The following RBFOX1 variants were observed in gnomAD, a reference collection of about 807,000 sequenced individuals.
RBFOX1 encodes RNA binding fox-1 homolog 1.
RBFOX1 carries 8 observed loss-of-function variants against 57.7 expected under a neutral mutation model. The ratio of observed to expected loss-of-function variants is 0.14; its 90% confidence interval spans 0.08 to 0.25. The LOEUF is 0.25. RBFOX1 is among the 10% of genes least tolerant of loss of function. The pLI is 1.00. For missense variants in RBFOX1, 611 were observed against 548.5 expected, an observed-to-expected ratio of 1.11 and a Z score of -1.14; for synonymous variants, 326 against 222.4, an observed-to-expected ratio of 1.47 and a Z score of -4.15.
At chr16:5,778,054 G>A (rs1005468660) in intron 3 of RBFOX1, among the ~76,000 whole-genome samples, 2 of 152,190 alleles carry the variant, frequency 1.3e-5, no homozygotes, top group Non-Finnish European at 2.9e-5. Context: ...TGGTGAGCTG[G>A]AACCAGGCAC....
chr16:7,435,524 G>T (rs1310348147), intron 4 of RBFOX1, among the ~76,000 whole-genome samples: 1 of 152,192 alleles, frequency 6.6e-6, no homozygotes. Context: ...TACGGGTGAG[G>T]TGTTTGTTAG....
chr16:6,365,781 T>C (rs1286467322), intron 2 of RBFOX1, among the ~76,000 whole-genome samples: 1 of 152,214 alleles, frequency 6.6e-6, no homozygotes, highest in Non-Finnish European at 1.5e-5. Flanking sequence ...AACCTCAGTA[T>C]CCATGTCTGT....
intron 2 of RBFOX1, among the ~76,000 whole-genome samples, chr16:6,613,716 C>G (rs1393059256): frequency 1.3e-5 from 2 of 152,170 alleles, no homozygotes; most frequent in African/African-American, 2.4e-5. Flanking sequence ...GAGGGCAGAT[C>G]ACTCGAGGCC....
intron 3 of RBFOX1, among the ~76,000 whole-genome samples, chr16:5,828,132 C>G (rs531067402): frequency 7.2e-5 from 11 of 151,954 alleles, no homozygotes; most frequent in Non-Finnish European, 1.3e-4. Context: ...CACCTATCCA[C>G]CCATCCATCC....
chr16:6,524,753 T>C (rs1399904854), intron 2 of RBFOX1, among the ~76,000 whole-genome samples: 4 of 152,090 alleles, frequency 2.6e-5, no homozygotes, highest in African/African-American at 7.2e-5. Context: ...ACAGCCTCCG[T>C]TGGTTGTCAG....
chr16:6,844,076 C>A (rs1359691122), intron 3 of RBFOX1, among the ~76,000 whole-genome samples: 1 of 152,156 alleles, frequency 6.6e-6, no homozygotes, highest in Non-Finnish European at 1.5e-5. Context: ...TCTCCCCACC[C>A]CCAAATCCCT....
intron 3 of RBFOX1, among the ~76,000 whole-genome samples, chr16:6,714,046 G>C (rs2154154334): frequency 6.6e-6 from 1 of 152,338 alleles, no homozygotes; most frequent in South Asian, 2.1e-4. Context: ...AGAAGTCATT[G>C]GATTGTGGGG....
intron 1 of RBFOX1, among the ~76,000 whole-genome samples, chr16:5,333,280 G>C (rs560307241): frequency 3.9e-5 from 6 of 152,172 alleles, no homozygotes; most frequent in African/African-American, 1.2e-4. Context: ...TTTAAATTTG[G>C]TTCAAGTCCT....
intron 1 of RBFOX1, among the ~76,000 whole-genome samples, chr16:6,087,937 C>A (rs1435971200): frequency 1.3e-5 from 2 of 152,186 alleles, no homozygotes; most frequent in Admixed American, 6.5e-5. Flanking sequence ...AGGCGTCAGC[C>A]ACCACACCCA....
chr16:5,506,876 C>T (rs763527120), intron 2 of RBFOX1, among the ~76,000 whole-genome samples: 5 of 152,012 alleles, frequency 3.3e-5, no homozygotes, highest in African/African-American at 7.3e-5. Context: ...ATTTTGATAC[C>T]CTCCATTTGC....
chr16:6,696,112 G>T (rs574205904), intron 3 of RBFOX1, among the ~76,000 whole-genome samples: 14 of 152,278 alleles, frequency 9.2e-5, no homozygotes, highest in African/African-American at 3.1e-4. Flanking sequence ...ATACACTGGG[G>T]AGCTCATTAC....
chr16:7,143,091 A>G (rs2074193027), intron 4 of RBFOX1, among the ~76,000 whole-genome samples: 1 of 152,096 alleles, frequency 6.6e-6, no homozygotes, highest in Non-Finnish European at 1.5e-5. Flanking sequence ...TTCATATAGC[A>G]TTTGACATTT....
At chr16:6,518,718 C>A (rs746810668) in intron 2 of RBFOX1, among the ~76,000 whole-genome samples, 1 of 151,910 alleles carries the variant, frequency 6.6e-6, no homozygotes, top group Non-Finnish European at 1.5e-5. Context: ...TCCGTCCGTC[C>A]GTCCATCCAT....
intron 4 of RBFOX1, among the ~76,000 whole-genome samples, chr16:7,453,566 C>T (rs193239900): frequency 1.3e-5 from 2 of 152,118 alleles, no homozygotes; most frequent in Non-Finnish European, 2.9e-5. Context: ...AAGCCAGGAG[C>T]TCTGAGAAAA....
chr16:6,623,927 G>A (rs1055824949), intron 2 of RBFOX1, among the ~76,000 whole-genome samples: 2 of 152,166 alleles, frequency 1.3e-5, no homozygotes, highest in Admixed American at 6.5e-5. Flanking sequence ...CTTTATAGCA[G>A]CATGATTTAT....
intron 4 of RBFOX1, among the ~76,000 whole-genome samples, chr16:7,474,949 A>T (rs933057175): frequency 4.6e-5 from 7 of 152,206 alleles, no homozygotes; most frequent in Non-Finnish European, 8.8e-5. Flanking sequence ...CAAAGCACCA[A>T]TGCAGAGCCG....
At chr16:5,656,900 G>A (rs1431022104) in intron 3 of RBFOX1, among the ~76,000 whole-genome samples, 1 of 152,176 alleles carries the variant, frequency 6.6e-6, no homozygotes, top group East Asian at 1.9e-4. Context: ...TATGGACACA[G>A]GGAGGGGAAC....
chr16:7,226,444 G>T (rs1603377136), intron 4 of RBFOX1, among the ~76,000 whole-genome samples: 1 of 152,188 alleles, frequency 6.6e-6, no homozygotes, highest in African/African-American at 2.4e-5. Context: ...GAAAGAGGTG[G>T]GGTGTGTGTA....
chr16:5,928,567 A>G (rs952886121), intron 4 of RBFOX1, among the ~76,000 whole-genome samples: 1 of 152,158 alleles, frequency 6.6e-6, no homozygotes, highest in Non-Finnish European at 1.5e-5. Flanking sequence ...GTTAGGTAAC[A>G]CTGGTGAAAG....
Sources: allele counts gnomAD v4.1 joint callset (sites outside exome capture counted in the v4.1 genomes callset), GRCh38; gene constraint gnomAD v4.1.1; transcripts MANE v1.5; gene names NCBI Gene and HGNC (gene_info 2026-07-23, HGNC 2026-07-21).